The following LRRC9 variants were observed in gnomAD, a reference collection of about 807,000 sequenced individuals.
LRRC9 encodes the protein leucine-rich repeat-containing protein 9.
In LRRC9, 122 loss-of-function variants were observed where a neutral mutation model predicts 63.2. The ratio of observed to expected loss-of-function variants is 1.93; its 90% CI spans 1.67 to 2.24. The LOEUF (loss-of-function observed/expected upper bound fraction) is 2.24, where lower values mean the gene tolerates loss of function less well. Ranked by LOEUF, LRRC9 falls within the 30% of genes most tolerant of loss-of-function variation. LRRC9 has a pLI of 0.00. For synonymous variants in LRRC9, 366 were observed against 213.1 expected, an observed-to-expected ratio of 1.72 and a Z score of -6.25; for missense variants, 1,071 against 627.7, an observed-to-expected ratio of 1.71 and a Z score of -7.55.
In LRRC9 at chr14:59,965,186, G is replaced by A. The variant is rs190073068; in HGVS notation, c.1212-1403G>A. ...GTGCTAGACAGGACCGGAATTTTATGCGTATGGCCAGGTGAGGGCAGCAGA... is the reference window on the plus strand; with the variant it reads ...GTGCTAGACAGGACCGGAATTTTATACGTATGGCCAGGTGAGGGCAGCAGA... On this transcript the variant is annotated intron_variant, in intron 10 of 31. Coordinates refer to ENST00000445360, the Ensembl canonical transcript of LRRC9. Among the ~76,000 whole-genome samples the A allele has an allele frequency of 2.4e-3, 367 of 152,214 alleles. 1 individual carries two copies. Among genetic ancestry groups the A allele is most frequent in the Non-Finnish European group, 4.0e-3 (273 of 68,014 alleles).
intron 1 of LRRC9, among the ~76,000 whole-genome samples, chr14:59,924,640 C>T (rs1009549637): frequency 2.6e-5 from 4 of 152,164 alleles, no homozygotes; most frequent in Non-Finnish European, 4.4e-5. Flanking sequence ...TTAAATACAG[C>T]AACCAGAGTG....
At position 60,027,758 on chromosome 14, in the gene LRRC9, A is replaced by C. The variant is rs2140313624; in HGVS notation, c.3704-126A>C. 1.9e-6 allele frequency: 1 copy of C among 530,280 alleles called. No individual in the cohort carries two copies. 32.8% of individuals were successfully genotyped at this position (530,280 alleles called of 1,614,324 possible). On this transcript the variant is annotated intron_variant, in intron 27 of 31. Coordinates refer to ENST00000445360, the Ensembl canonical transcript of LRRC9. This position sits in a 1 kb window ranked among gnomAD's most constrained non-coding sequence, Gnocchi z 4.0. ...TACATTTCAATTTCTCTTTGGAAAT[A>C]AGTTTCTTGAATCCTTTACTTCTTT...
intron 12 of LRRC9, among the ~76,000 whole-genome samples, chr14:59,968,144 C>T (rs1007026937): frequency 1.3e-5 from 2 of 152,136 alleles, no homozygotes; most frequent in African/African-American, 4.8e-5. Flanking sequence ...ACCTTGGAAA[C>T]ATTATGCTAG....
rs1325326514 is a variant in LRRC9 at position 60,031,939 on chromosome 14, T to C, written c.3922-56T>C. ...CATATAATTACTTCAAATTAGTCTA[T>C]ATTTTAAGATGTTGAGTCTAACCAA... is the stretch of plus-strand genomic sequence containing the variant. On this transcript the variant is annotated intron_variant, in intron 28 of 31. Coordinates refer to ENST00000445360, the Ensembl canonical transcript of LRRC9. This position sits in a 1 kb window ranked among gnomAD's most constrained non-coding sequence, Gnocchi z 4.6. The C allele has an allele frequency of 5.9e-6, 4 of 681,230 alleles. No individual in the cohort carries two copies. Among genetic ancestry groups the C allele is most frequent in the Admixed American group, 2.2e-5 (1 of 44,756 alleles). The allele number at this position is 681,230 out of a possible 1,614,324, so 42.2% of individuals were successfully genotyped here. A position where few individuals can be genotyped will look rare whatever the true frequency, so the allele number is the denominator to read the frequency against.
chr14:60,063,497 C>T (rs1321180286), exon 32 of LRRC9: 1 of 620,740 alleles, frequency 1.6e-6, no homozygotes, highest in Non-Finnish European at 2.9e-6. Flanking sequence ...CACTTCAGTT[C>T]CATATGAAGA....
chr14:59,939,429 C>T (rs1311567088), intron 7 of LRRC9, among the ~76,000 whole-genome samples: 1 of 151,756 alleles, frequency 6.6e-6, no homozygotes, highest in Non-Finnish European at 1.5e-5. Flanking sequence ...AGAGGAGGGA[C>T]TAAGATGACT....
chr14:59,931,419 G>T (rs562680107), intron 4 of LRRC9, among the ~76,000 whole-genome samples, 200 bp from the exon 5 acceptor site: 2 of 151,984 alleles, frequency 1.3e-5, no homozygotes, highest in Admixed American at 1.3e-4. Context: ...TCCGCTTCCT[G>T]TTCCCTCCTC....
At position 60,057,908 on chromosome 14, in the gene LRRC9, G is replaced by A. The variant is rs1595130253; in HGVS notation, c.4162G>A (p.Gly1388Ser). The stretch of plus-strand genomic sequence containing the variant: ...TCCTGTTACCCACTCTCCTATGGAT[G>A]GCAGATCATTTGGCCAAGTGAAAAC... Residue 1388 changes from glycine to serine, a missense_variant, in exon 31 of 32, where the codon GGC (glycine) becomes AGC (serine). Coordinates refer to ENST00000445360, the Ensembl canonical transcript of LRRC9. 5.8e-6 allele frequency: 4 copies of A among 689,704 alleles called. No individual in the cohort carries two copies. The East Asian group carries it at 1.1e-4, about 19-fold the overall frequency. The allele number at this position is 689,704 out of a possible 1,614,324, so 42.7% of individuals were successfully genotyped here.
intron 29 of LRRC9, among the ~76,000 whole-genome samples, chr14:60,038,479 C>G (rs1595083527): frequency 6.6e-6 from 1 of 152,160 alleles, no homozygotes; most frequent in Non-Finnish European, 1.5e-5. Context: ...AGAGGGCCTT[C>G]ACATCCCTTG....
At chr14:59,976,016 A>T (rs2140066860) in intron 13 of LRRC9, among the ~76,000 whole-genome samples, 1 of 152,360 alleles carries the variant, frequency 6.6e-6, no homozygotes, top group South Asian at 2.1e-4. Flanking sequence ...CATCAGTGGC[A>T]GCATTTGATT....
chr14:59,959,880 C>T (rs1410461055), exon 9 of LRRC9: 3 of 698,230 alleles, frequency 4.3e-6, no homozygotes, highest in South Asian at 1.5e-5. Flanking sequence ...GATCCAATAA[C>T]AGTAAAGTAA....
intron 7 of LRRC9, among the ~76,000 whole-genome samples, chr14:59,941,212 A>G (rs1050052527): frequency 4.6e-5 from 7 of 151,984 alleles, no homozygotes; most frequent in Admixed American, 1.3e-4. Context: ...GAAAAAGTTG[A>G]AACTATGGTA....
rs1257293963 is a variant in LRRC9 at position 60,058,977 on chromosome 14, T to C, written c.4276+955T>C. Reference sequence around the variant, plus strand: ...TTTTGTCTACAACTGTCAGTAAAATTGGGCATACCAAATTGTTATTACCTC... The same window carrying C: ...TTTTGTCTACAACTGTCAGTAAAATCGGGCATACCAAATTGTTATTACCTC... On this transcript the variant is annotated intron_variant, in intron 31 of 31. Coordinates refer to ENST00000445360, the Ensembl canonical transcript of LRRC9. The surrounding 1 kb of genome is among the most constrained non-coding windows in gnomAD (Gnocchi z 4.4). 6.6e-6 allele frequency: 1 copy of C among 152,216 alleles called. No individual in the cohort carries two copies. The highest frequency in any genetic ancestry group is 2.1e-4 in the South Asian group (1 of 4,836). 9.4% of individuals were successfully genotyped at this position (152,216 alleles called of 1,614,324 possible).
chr14:60,057,521 A>G (rs1476818749), intron 30 of LRRC9: 1 of 159,718 alleles, frequency 6.3e-6, no homozygotes, highest in Non-Finnish European at 1.4e-5. Context: ...TCACACACAA[A>G]AAAAGAAAAA....
intron 8 of LRRC9, among the ~76,000 whole-genome samples, chr14:59,955,302 T>C (rs1883620232): frequency 6.6e-6 from 1 of 152,216 alleles, no homozygotes; most frequent in Non-Finnish European, 1.5e-5. Context: ...AGGATATTAA[T>C]GACTGCCTCA....
intron 15 of LRRC9, among the ~76,000 whole-genome samples, chr14:59,978,809 T>G (rs182427741): frequency 1.8e-4 from 27 of 152,146 alleles, no homozygotes; most frequent in Non-Finnish European, 3.1e-4. Flanking sequence ...AACTTGGGAG[T>G]CAAAGGATAT....
intron 17 of LRRC9, among the ~76,000 whole-genome samples, chr14:59,994,060 G>A (rs536846875): frequency 4.6e-5 from 7 of 152,176 alleles, no homozygotes; most frequent in African/African-American, 1.4e-4. Context: ...CACATAGTTG[G>A]AAGTAAAGCA....
intron 1 of LRRC9, among the ~76,000 whole-genome samples, chr14:59,925,447 C>T (rs894425084): frequency 6.6e-6 from 1 of 152,160 alleles, no homozygotes; most frequent in East Asian, 1.9e-4. Context: ...CTTTCTCCAT[C>T]AAGCCCTTTA....
chr14:60,039,236 T>G (rs1892721138), intron 29 of LRRC9, among the ~76,000 whole-genome samples: 1 of 152,198 alleles, frequency 6.6e-6, no homozygotes. Flanking sequence ...TTTTTTGTTG[T>G]GTCTCTGCCA....
Sources: allele counts gnomAD v4.1 joint callset (sites outside exome capture counted in the v4.1 genomes callset), GRCh38; gene constraint gnomAD v4.1.1; non-coding constraint Gnocchi (gnomAD v3.1); transcripts MANE v1.5; gene names NCBI Gene and HGNC (gene_info 2026-07-23, HGNC 2026-07-21).